Variants in SPECC1L observed in about 807,000 individuals in gnomAD.
SPECC1L encodes cytospin-A.
SPECC1L carries 40 observed loss-of-function variants against 116.8 expected under a neutral mutation model. The observed-to-expected ratio is 0.34, with a 90% CI of 0.27 to 0.45. SPECC1L has a LOEUF of 0.45. Among genes scored for constraint, SPECC1L ranks in the 20% least tolerant of loss-of-function variants. The pLI is 1.00. For missense variants in SPECC1L, 1,110 were observed against 1,373.6 expected, an observed-to-expected ratio of 0.81 and a Z score of 3.03; for synonymous variants, 504 against 500.6, an observed-to-expected ratio of 1.01 and a Z score of -0.09.
At chr22:24,302,105 T>C (rs2049392615) in intron 2 of SPECC1L, 90 bp from the exon 3 acceptor site, 1 of 1,073,624 alleles carries the variant, frequency 9.3e-7, no homozygotes, top group Non-Finnish European at 1.4e-6. Flanking sequence ...TTCAAACAGT[T>C]TTATCACATG....
chr22:24,346,011 G>GTT (rs375040215), intron 10 of SPECC1L, among the ~76,000 whole-genome samples: 5 of 141,678 alleles, frequency 3.5e-5, no homozygotes, highest in Non-Finnish European at 7.8e-5. Context: ...TGTTTTTTTT[G>GTT]TTTTTTTTTT....
chr22:24,393,547 A>G (rs1052557260), intron 14 of SPECC1L, among the ~76,000 whole-genome samples: 4 of 152,178 alleles, frequency 2.6e-5, no homozygotes, highest in African/African-American at 7.2e-5. Context: ...CCTGGACTGT[A>G]TCCAGTTCTG....
chr22:24,275,578 G>A (rs1200536176), intron 1 of SPECC1L, among the ~76,000 whole-genome samples: 1 of 141,494 alleles, frequency 7.1e-6, no homozygotes, highest in African/African-American at 2.7e-5. Context: ...TGAGTTTGAT[G>A]TGTTTGGACA....
chr22:24,412,638 T>A lies in SPECC1L; in HGVS notation c.3205-10T>A. 6.2e-7 allele frequency: 1 copy of A among 1,614,142 alleles called. No homozygotes were observed. The highest frequency in any genetic ancestry group is 1.3e-5 in the African/African-American group (1 of 75,054). On this transcript the variant is annotated splice_polypyrimidine_tract_variant and intron_variant, in intron 15 of 16. Transcript: ENST00000314328. ...GTTCATGCACTGCAGTGACACAGTT[T>A]CTTTTACAGAGAAGGAACTTCATGC...
At chr22:24,393,815 C>T (rs899596893) in intron 14 of SPECC1L, among the ~76,000 whole-genome samples, 2 of 152,084 alleles carry the variant, frequency 1.3e-5, no homozygotes, top group Admixed American at 6.6e-5. Flanking sequence ...TTTCCTCGTG[C>T]CCCTTTGTAC....
At chr22:24,275,678 A>G (rs1301807429) in intron 1 of SPECC1L, among the ~76,000 whole-genome samples, 1 of 152,092 alleles carries the variant, frequency 6.6e-6, no homozygotes, top group African/African-American at 2.4e-5. Context: ...GGAAAAATAC[A>G]TTGCCTCTAA....
At chr22:24,281,660 T>G (rs1281063036) in intron 2 of SPECC1L, among the ~76,000 whole-genome samples, 2 of 152,254 alleles carry the variant, frequency 1.3e-5, no homozygotes, top group African/African-American at 4.8e-5. Context: ...TCCTGAGACC[T>G]TAATGTAATT....
At position 24,389,421 on chromosome 22, in the gene SPECC1L, T is replaced by A. The variant is rs1362016954; in HGVS notation, c.3087+20101T>A. Among the ~76,000 whole-genome samples, 9 of 152,120 alleles carry A rather than the reference T, an allele frequency of 5.9e-5. No homozygotes were observed. The East Asian group carries it at 9.7e-4, about 16-fold the overall frequency. On this transcript the variant is annotated intron_variant, in intron 14 of 16. Coordinates refer to ENST00000314328, the MANE Select transcript of SPECC1L (RefSeq NM_015330.6). ...AGCCACTGTGTCTGGCCAATAATACTTCTTAGTTTGTTGTTTGCCTTTGGT... is the reference window on the plus strand; with the variant it reads ...AGCCACTGTGTCTGGCCAATAATACATCTTAGTTTGTTGTTTGCCTTTGGT...
chr22:24,324,975 G>A (rs576493015), intron 6 of SPECC1L, among the ~76,000 whole-genome samples: 7 of 152,274 alleles, frequency 4.6e-5, no homozygotes, highest in African/African-American at 1.7e-4. Context: ...GAATAATGGG[G>A]TTCATAATCA....
chr22:24,369,984 T>C (rs2041842251), intron 14 of SPECC1L, among the ~76,000 whole-genome samples: 1 of 152,268 alleles, frequency 6.6e-6, no homozygotes, highest in Non-Finnish European at 1.5e-5. Context: ...AGCTTGCAGC[T>C]GGTACTCTTG....
intron 4 of SPECC1L, 138 bp downstream of exon 4, chr22:24,313,604 T>TA: frequency 2.1e-6 from 2 of 967,298 alleles, no homozygotes; most frequent in East Asian, 2.6e-5. Context: ...TTCAGCCCAA[T>TA]ACGCTCATCA....
chr22:24,358,115 G>GTT lies in SPECC1L; in HGVS notation c.2744-5130_2744-5129dup, dbSNP rs531551339. Among the ~76,000 whole-genome samples the GTT allele has an allele frequency of 1.3e-3, 165 of 128,772 alleles. 1 individual carries two copies. The highest frequency in any genetic ancestry group is 2.3e-3 in the Non-Finnish European group (140 of 59,592). 84.5% of individuals were successfully genotyped at this position (128,772 alleles called of 152,430 possible). A position where few individuals can be genotyped will look rare whatever the true frequency, so the allele number is the denominator to read the frequency against. Reference sequence around the variant, plus strand: ...TTGTAGAGGTGTTTTGTTTTTTTTGGTTTTTTTTTTTTTTTTTGAGGCAGA... The same window carrying GTT: ...TTGTAGAGGTGTTTTGTTTTTTTTGGTTTTTTTTTTTTTTTTTTTGAGGCAGA... On this transcript the variant is annotated intron_variant, in intron 11 of 16. Transcript: ENST00000314328.
chr22:24,371,819 T>C (rs1601298813), intron 14 of SPECC1L, among the ~76,000 whole-genome samples: 1 of 152,202 alleles, frequency 6.6e-6, no homozygotes, highest in Non-Finnish European at 1.5e-5. Context: ...GCTCCCGGGC[T>C]CAAGTGATTC....
intron 8 of SPECC1L, among the ~76,000 whole-genome samples, chr22:24,333,993 T>G (rs1349777538): frequency 6.6e-6 from 1 of 151,972 alleles, no homozygotes; most frequent in East Asian, 1.9e-4. Context: ...TACAATTTTT[T>G]TAAACTGATA....
At chr22:24,396,642 GC>G (rs1334558684) in intron 14 of SPECC1L, among the ~76,000 whole-genome samples, 13 of 152,068 alleles carry the variant, frequency 8.5e-5, no homozygotes, top group African/African-American at 2.4e-4. Flanking sequence ...TTATTTCCAG[GC>G]CTTTTAAAAT....
intron 3 of SPECC1L, among the ~76,000 whole-genome samples, chr22:24,305,824 T>C (rs767362012): frequency 6.6e-6 from 1 of 152,230 alleles, no homozygotes; most frequent in Non-Finnish European, 1.5e-5. Context: ...ACTTAAATTG[T>C]TACTCCTTTC....
intron 14 of SPECC1L, among the ~76,000 whole-genome samples, chr22:24,407,257 T>C (rs754612436): frequency 1.3e-5 from 2 of 152,258 alleles, no homozygotes; most frequent in Non-Finnish European, 2.9e-5. Context: ...AGCCTGGAAC[T>C]GAAGAAGCCA....
chr22:24,317,807 G>C lies in SPECC1L; in HGVS notation c.308-3481G>C, dbSNP rs1165424102. Among the ~76,000 whole-genome samples, 11 of 151,430 alleles carry C rather than the reference G, an allele frequency of 7.3e-5. No homozygotes were observed. In the East Asian group the frequency reaches 7.9e-4, roughly 11 times the overall value. ...GGAGGGGCTCCTCACTTCTCAGACA[G>C]GGCGGTTGCCAGGCAGAGGGTCTCC... On this transcript the variant is annotated intron_variant, in intron 4 of 16. Coordinates refer to ENST00000314328, the MANE Select transcript of SPECC1L (RefSeq NM_015330.6).
At chr22:24,289,519 TAA>T (rs1330031954) in intron 2 of SPECC1L, among the ~76,000 whole-genome samples, 1 of 152,202 alleles carries the variant, frequency 6.6e-6, no homozygotes, top group Non-Finnish European at 1.5e-5. Flanking sequence ...TACATGGTTC[TAA>T]GTTTAAAAAA....
Sources: gnomAD v4.1 joint callset for allele counts (sites outside exome capture counted in the v4.1 genomes callset) on GRCh38, gnomAD v4.1.1 for gene constraint, MANE v1.5 for transcripts, NCBI Gene and HGNC (gene_info 2026-07-23, HGNC 2026-07-21) for gene names.